The following RBBP8 variants were observed in gnomAD, a reference collection of about 807,000 sequenced individuals.
RBBP8 encodes the protein RB binding protein 8, endonuclease, also known as DNA endonuclease RBBP8.
A neutral mutation model predicts 108.3 loss-of-function variants in RBBP8; 88 were observed. The ratio of observed to expected loss-of-function variants is 0.81; its 90% CI spans 0.68 to 0.97. The LOEUF (loss-of-function observed/expected upper bound fraction) is 0.97, where lower values mean the gene tolerates loss of function less well. RBBP8 is among the 50% of genes least tolerant of loss of function. The pLI is 0.00. For synonymous variants in RBBP8, 332 were observed against 348.2 expected (o/e 0.95, Z 0.52); for missense variants, 1,023 against 1,049.0 (o/e 0.98, Z 0.34).
chr18:23,017,838 C>G (rs887240976), intron 17 of RBBP8, among the ~76,000 whole-genome samples: 2 of 149,236 alleles, frequency 1.3e-5, no homozygotes, highest in Non-Finnish European at 3.0e-5. Flanking sequence ...TCTCCACCTC[C>G]CAGGTTCAAG....
intron 16 of RBBP8, among the ~76,000 whole-genome samples, chr18:23,010,753 TA>T (rs2046143850): frequency 6.9e-6 from 1 of 144,826 alleles, no homozygotes; most frequent in Non-Finnish European, 1.5e-5. Flanking sequence ...ATGGAGATGC[TA>T]GAATTCTCAG....
chr18:22,939,624 A>G (rs553618281), intron 2 of RBBP8, among the ~76,000 whole-genome samples: 22 of 152,316 alleles, frequency 1.4e-4, no homozygotes, highest in African/African-American at 5.3e-4. Context: ...GAACAACCCC[A>G]AAAGTATTCT....
chr18:22,976,384 C>T (rs1914499196), intron 6 of RBBP8, among the ~76,000 whole-genome samples: 1 of 152,074 alleles, frequency 6.6e-6, no homozygotes, highest in African/African-American at 2.4e-5. Flanking sequence ...AGAGAGAACA[C>T]AGGACACAGA....
intron 16 of RBBP8, among the ~76,000 whole-genome samples, chr18:23,010,546 A>G (rs1289434286): frequency 1.3e-5 from 2 of 152,064 alleles, no homozygotes; most frequent in African/African-American, 2.4e-5. Context: ...GCAGTAAGCT[A>G]TGATCACACC....
At chr18:23,017,351 G>T (rs2046274846) in intron 17 of RBBP8, among the ~76,000 whole-genome samples, 1 of 135,162 alleles carries the variant, frequency 7.4e-6, no homozygotes, top group African/African-American at 2.8e-5. Context: ...GTGAAACTTG[G>T]TCTCAAAAAA....
intron 5 of RBBP8, among the ~76,000 whole-genome samples, chr18:22,971,874 T>G (rs1279961809): frequency 6.7e-6 from 1 of 149,680 alleles, no homozygotes; most frequent in African/African-American, 2.5e-5. Flanking sequence ...CTTGAACTCC[T>G]GACCTCGTGA....
chr18:22,952,913 A>C (rs1384646857), intron 4 of RBBP8, among the ~76,000 whole-genome samples: 3 of 152,188 alleles, frequency 2.0e-5, no homozygotes, highest in Non-Finnish European at 4.4e-5. Context: ...GAGTAATGGC[A>C]TTAACGCCAA....
chr18:22,963,915 T>C (rs1206406739), intron 4 of RBBP8, among the ~76,000 whole-genome samples: 2 of 152,192 alleles, frequency 1.3e-5, no homozygotes, highest in Non-Finnish European at 2.9e-5. Context: ...AGTACCATTG[T>C]CATGCTTAAA....
intron 11 of RBBP8, 23 bp from the exon 12 acceptor site, chr18:22,993,698 G>A (rs1465082637): frequency 6.2e-7 from 1 of 1,614,172 alleles, no homozygotes; most frequent in East Asian, 2.2e-5. Context: ...TTCATTTAGA[G>A]CTAACAATTA....
chr18:22,964,356 T>C (rs1913377049), intron 4 of RBBP8, among the ~76,000 whole-genome samples: 1 of 151,090 alleles, frequency 6.6e-6, no homozygotes, highest in African/African-American at 2.4e-5. Flanking sequence ...TTAACATCCA[T>C]TGTGCTGGAG....
At position 22,993,332 on chromosome 18, in the gene RBBP8, G is replaced by A. The variant is rs186510646; in HGVS notation, c.1505G>A (p.Arg502His). 36 of 1,614,188 alleles carry A rather than the reference G, an allele frequency of 2.2e-5. No individual in the cohort carries two copies. Among genetic ancestry groups the A allele is most frequent in the African/African-American group, 1.9e-4 (14 of 75,038 alleles). The stretch of plus-strand genomic sequence containing the variant: ...TCTGATCGATTTTCAGCTATTCAGC[G>A]TCAAGAGAAAAGCCAAGGAAGTGAG... The part of the protein sequence containing the change: ...DLSDRFSAIQ[R>H]QEKSQGSETS... Residue 502 changes from arginine to histidine, a missense_variant, in exon 11 of 19, where the codon CGT becomes CAT. By Grantham distance (29) the Arg-to-His change is conservative. Transcript: ENST00000327155.
intron 14 of RBBP8, among the ~76,000 whole-genome samples, chr18:22,999,026 A>G (rs893656577): frequency 2.0e-5 from 3 of 152,320 alleles, no homozygotes; most frequent in East Asian, 1.9e-4. Flanking sequence ...TAGAAAAGAG[A>G]AAATCTAAAG....
chr18:22,985,765 G>C (rs189188003), intron 8 of RBBP8, among the ~76,000 whole-genome samples: 62 of 152,202 alleles, frequency 4.1e-4, no homozygotes, highest in African/African-American at 1.4e-3. Flanking sequence ...GAGTAGATGT[G>C]AGTTAGAATT....
chr18:23,006,339 G>T, intron 15 of RBBP8, 24 bp from the exon 16 acceptor site: 1 of 1,591,752 alleles, frequency 6.3e-7, no homozygotes, highest in Non-Finnish European at 8.6e-7. Context: ...CATTTAGTTT[G>T]TAATGTGCAT....
At chr18:22,932,073 T>C (rs552354503), upstream of RBBP8, among the ~76,000 whole-genome samples, 1 of 152,260 alleles carries the variant, frequency 6.6e-6, no homozygotes, top group African/African-American at 2.4e-5. Flanking sequence ...ATGGCTTGGA[T>C]ATGGAAGTTA....
intron 6 of RBBP8, among the ~76,000 whole-genome samples, chr18:22,980,757 G>A (rs1219004509): frequency 1.4e-5 from 2 of 144,218 alleles, no homozygotes; most frequent in Admixed American, 7.1e-5. Context: ...CTGTGTTGCC[G>A]AGGCTGGAGT....
intron 4 of RBBP8, among the ~76,000 whole-genome samples, chr18:22,952,146 G>T (rs117263731): frequency 5.9e-5 from 9 of 152,154 alleles, no homozygotes; most frequent in African/African-American, 2.2e-4. Context: ...ACTAGATTTC[G>T]TAGGGACATA....
chr18:22,948,011 G>C (rs540641079), intron 3 of RBBP8, among the ~76,000 whole-genome samples: 82 of 152,074 alleles, frequency 5.4e-4, no homozygotes, highest in African/African-American at 1.9e-3. Context: ...ACAGAGTTCT[G>C]TTCATCATTT....
chr18:22,946,496 A>G lies in RBBP8; in HGVS notation c.152+10A>G. The G allele has an allele frequency of 6.2e-7, 1 of 1,612,288 alleles. No homozygotes were observed. Among genetic ancestry groups the G allele is most frequent in the Non-Finnish European group, 8.5e-7 (1 of 1,179,024 alleles). ...AACAGGAACGAATCTTGTAAGTATC[A>G]GTATGTAATACTCATGTGTTATTTA... On this transcript the variant is annotated intron_variant, in intron 3 of 18. Transcript: ENST00000327155.
Sources: gnomAD v4.1 joint callset for allele counts (sites outside exome capture counted in the v4.1 genomes callset) on GRCh38, gnomAD v4.1.1 for gene constraint, MANE v1.5 for transcripts, NCBI Gene and HGNC (gene_info 2026-07-23, HGNC 2026-07-21) for gene names.